Variants in TMIGD3 observed in about 807,000 individuals in gnomAD.
TMIGD3 encodes transmembrane and immunoglobulin domain containing 3.
Under a neutral mutation model 28.1 loss-of-function variants are expected in TMIGD3, and 21 were observed. The observed-to-expected ratio is 0.75, with a 90% confidence interval of 0.53 to 1.08. The LOEUF is 1.08. TMIGD3 is among the 50% of genes least tolerant of loss of function. TMIGD3 has a pLI of 0.00. For missense variants in TMIGD3, 416 were observed against 435.6 expected (o/e 0.96, Z 0.40); for synonymous variants, 151 against 162.1 (o/e 0.93, Z 0.52).
At chr1:111,504,909 C>T, upstream of TMIGD3, 2 of 985,284 alleles carry the variant, frequency 2.0e-6, no homozygotes, top group Non-Finnish European at 2.4e-6. Context: ...GCAGACTCCC[C>T]AGACATTAAA....
chr1:111,483,614 G>T lies in TMIGD3; in HGVS notation c.*73C>A. The stretch of plus-strand genomic sequence containing the variant: ...CTGGGAGATCAGAATCAGTCTCTGA[G>T]GTGTGGGCCAGTTGTCATGGTGATT... On this transcript the variant is annotated 3_prime_UTR_variant, in exon 6 of 6. Transcript: ENST00000369716. 1 of 1,200,488 alleles carries T rather than the reference G, an allele frequency of 8.3e-7. No individual in the cohort carries two copies. Among genetic ancestry groups the T allele is most frequent in the East Asian group, 2.5e-5 (1 of 40,648 alleles). 74.4% of individuals were successfully genotyped at this position (1,200,488 alleles called of 1,614,324 possible).
chr1:111,520,921 C>T (rs1416287767), intron 1 of TMIGD3, among the ~76,000 whole-genome samples: 1 of 152,208 alleles, frequency 6.6e-6, no homozygotes, highest in African/African-American at 2.4e-5. Context: ...CATATGTATA[C>T]ACCTGTGAAA....
chr1:111,514,573 G>C, intron 1 of TMIGD3, among the ~76,000 whole-genome samples: 1 of 151,338 alleles, frequency 6.6e-6, no homozygotes, highest in Middle Eastern at 3.2e-3. Context: ...AAAAGCAGCA[G>C]CAAAGTCTGA....
At chr1:111,530,226 C>G (rs976978018) in intron 1 of TMIGD3, among the ~76,000 whole-genome samples, 1 of 152,144 alleles carries the variant, frequency 6.6e-6, no homozygotes, top group African/African-American at 2.4e-5. Flanking sequence ...CCATTTCACA[C>G]AAAGTATGTT....
chr1:111,487,169 G>GGTCT (rs1654419562), intron 3 of TMIGD3, among the ~76,000 whole-genome samples: 1 of 152,198 alleles, frequency 6.6e-6, no homozygotes, highest in African/African-American at 2.4e-5. Context: ...ACGTGGGAGA[G>GGTCT]GTCTGTGTTT....
chr1:111,525,965 G>T (rs1189720880), intron 1 of TMIGD3, among the ~76,000 whole-genome samples: 3 of 152,128 alleles, frequency 2.0e-5, no homozygotes, highest in African/African-American at 7.2e-5. Context: ...CTTTTAATTA[G>T]ATTTAATGTG....
intron 4 of TMIGD3, 97 bp from the exon 5 acceptor site, chr1:111,485,937 A>T (rs1194659318): frequency 8.0e-6 from 7 of 870,536 alleles, no homozygotes; most frequent in Non-Finnish European, 1.3e-5. Flanking sequence ...ACCCCTGCCC[A>T]CCCCCCAACC....
chr1:111,499,420 AC>A, intron 1 of TMIGD3: 8 of 990,704 alleles, frequency 8.1e-6, no homozygotes, highest in Non-Finnish European at 9.6e-6. Flanking sequence ...GCAAAGAGCT[AC>A]ACTCCAGTTA....
At chr1:111,525,850 C>A (rs147096767) in intron 1 of TMIGD3, among the ~76,000 whole-genome samples, 9 of 152,070 alleles carry the variant, frequency 5.9e-5, no homozygotes, top group Non-Finnish European at 2.9e-5. Context: ...AGAGACAGAG[C>A]GAGACTCTGT....
Position 111,501,580 on chromosome 1 carries a change from G to C in TMIGD3, c.350+1425C>G, listed in dbSNP as rs140810549. On this transcript the variant is annotated intron_variant, in intron 1 of 5. Transcript: ENST00000369716. ...TATGTTAACGCATTTCATTTTATGA[G>C]GATAGTGCAATTATCCCCATTTTGT... is the stretch of plus-strand genomic sequence containing the variant. Among the ~76,000 whole-genome samples the C allele has an allele frequency of 3.9e-4, 59 of 152,244 alleles. No homozygotes were observed. In the East Asian group the frequency reaches 8.5e-3, roughly 22 times the overall value.
upstream of TMIGD3, among the ~76,000 whole-genome samples, chr1:111,507,217 C>A (rs1655539489): frequency 6.6e-6 from 1 of 151,550 alleles, no homozygotes; most frequent in African/African-American, 2.4e-5. Flanking sequence ...AGGCCAGGAG[C>A]TCAAGACCAA....
At chr1:111,496,592 T>C (rs532838363) in intron 1 of TMIGD3, among the ~76,000 whole-genome samples, 1 of 152,360 alleles carries the variant, frequency 6.6e-6, no homozygotes, top group African/African-American at 2.4e-5. Flanking sequence ...TTCTTTGTCT[T>C]ACTTTCACAA....
At chr1:111,506,998 T>TAC (rs1655522915), upstream of TMIGD3, among the ~76,000 whole-genome samples, 6 of 128,398 alleles carry the variant, frequency 4.7e-5, no homozygotes, top group African/African-American at 8.6e-5. Flanking sequence ...TATACATATA[T>TAC]ACACACACAT....
intron 1 of TMIGD3, chr1:111,563,799 A>G (rs1231291571): frequency 6.0e-6 from 9 of 1,490,560 alleles, no homozygotes; most frequent in Non-Finnish European, 8.4e-6. Context: ...GCAGACTCAG[A>G]CCCCAACCTC....
At chr1:111,540,956 C>A (rs76538148) in intron 1 of TMIGD3, among the ~76,000 whole-genome samples, 1 of 152,122 alleles carries the variant, frequency 6.6e-6, no homozygotes, top group Non-Finnish European at 1.5e-5. Context: ...TATGGAACGA[C>A]GGTTGGCAAA....
chr1:111,484,657 C>T (rs1364795125), intron 5 of TMIGD3, among the ~76,000 whole-genome samples: 1 of 152,188 alleles, frequency 6.6e-6, no homozygotes, highest in Non-Finnish European at 1.5e-5. Flanking sequence ...AGTATGAGGC[C>T]TTGAAGCCTT....
intron 1 of TMIGD3, among the ~76,000 whole-genome samples, chr1:111,519,028 T>A (rs1234881246): frequency 2.6e-5 from 4 of 152,166 alleles, no homozygotes; most frequent in African/African-American, 4.8e-5. Context: ...AACCTCTGCC[T>A]CCCGGGTTCA....
At chr1:111,491,429 G>T (rs1355399730) in intron 1 of TMIGD3, among the ~76,000 whole-genome samples, 2 of 152,238 alleles carry the variant, frequency 1.3e-5, no homozygotes, top group Non-Finnish European at 2.9e-5. Flanking sequence ...CTGACCACTG[G>T]CTTTAAAAGT....
chr1:111,529,036 A>G (rs1308011935), intron 1 of TMIGD3, among the ~76,000 whole-genome samples: 2 of 152,022 alleles, frequency 1.3e-5, no homozygotes, highest in African/African-American at 4.8e-5. Flanking sequence ...CTTCCAGTAC[A>G]ATAATGAAAA....
Sources: gnomAD v4.1 joint callset for allele counts (sites outside exome capture counted in the v4.1 genomes callset) on GRCh38, gnomAD v4.1.1 for gene constraint, MANE v1.5 for transcripts, NCBI Gene and HGNC (gene_info 2026-07-23, HGNC 2026-07-21) for gene names.